The following DOCK8 variants were observed in gnomAD, a reference collection of about 807,000 sequenced individuals.
DOCK8 encodes the protein dedicator of cytokinesis 8.
DOCK8 carries 141 observed loss-of-function variants against 245.6 expected under a neutral mutation model. The observed-to-expected ratio is 0.57, with a 90% CI of 0.50 to 0.66. The LOEUF (loss-of-function observed/expected upper bound fraction) is 0.66. DOCK8 is among the 30% of genes least tolerant of loss of function. The pLI, the probability that DOCK8 is intolerant of heterozygous loss-of-function variation, is 0.00. For missense variants in DOCK8, 2,965 were observed against 2,603.4 expected, an observed-to-expected ratio of 1.14 and a Z score of -3.02; for synonymous variants, 1,168 against 970.2, an observed-to-expected ratio of 1.20 and a Z score of -3.79.
intron 28 of DOCK8, among the ~76,000 whole-genome samples, chr9:413,241 G>A (rs12235927): frequency 0.39 from 59,775 of 151,888 alleles, 11,997 homozygotes; most frequent in East Asian, 0.53. Context: ...ATATTACACT[G>A]TATACAAAAA....
At chr9:379,959 CTCT>C (rs2053676069) in intron 21 of DOCK8, 24 bp downstream of exon 21, 1 of 1,610,170 alleles carries the variant, frequency 6.2e-7, no homozygotes, top group African/African-American at 1.3e-5. Context: ...GAGTGTGGGA[CTCT>C]GGTGGGCGGG....
intron 5 of DOCK8, among the ~76,000 whole-genome samples, chr9:306,277 G>A (rs35381637): frequency 0.12 from 18,772 of 152,112 alleles, 1,457 homozygotes; most frequent in Non-Finnish European, 0.18. Context: ...CTTACTTGGA[G>A]CTTCACAGTA....
At chr9:212,392 C>A (rs952882138), upstream of DOCK8, among the ~76,000 whole-genome samples, 1 of 151,912 alleles carries the variant, frequency 6.6e-6, no homozygotes, top group Admixed American at 6.6e-5. Flanking sequence ...CACAAAGATA[C>A]GGAGAAAGAG....
intron 2 of DOCK8, among the ~76,000 whole-genome samples, chr9:277,749 G>C (rs1018686298): frequency 1.3e-5 from 2 of 152,086 alleles, no homozygotes; most frequent in Non-Finnish European, 2.9e-5. Context: ...TAACGGCTCT[G>C]ACTGAAGAAA....
intron 24 of DOCK8, among the ~76,000 whole-genome samples, chr9:396,274 G>C (rs1379293152): frequency 6.6e-6 from 1 of 152,134 alleles, no homozygotes; most frequent in Non-Finnish European, 1.5e-5. Context: ...AACTGTTTCT[G>C]GAAAAACTGT....
intron 26 of DOCK8, among the ~76,000 whole-genome samples, chr9:400,361 C>T (rs796739496): frequency 9.8e-6 from 1 of 102,472 alleles, no homozygotes; most frequent in Non-Finnish European, 2.0e-5. Context: ...ACCTCCTCCA[C>T]CATCACCACC....
At position 390,613 on chromosome 9, in the gene DOCK8, G is replaced by A. The variant is rs773733152; in HGVS notation, c.2970+47G>A. 3 of 1,562,002 alleles carry A rather than the reference G, an allele frequency of 1.9e-6. No individual in the cohort carries two copies. In the South Asian group the frequency reaches 3.3e-5, roughly 17 times the overall value. On this transcript the variant is annotated intron_variant, in intron 24 of 47. Transcript: ENST00000432829. ...ATCTGTGCTCAATAGGCCAAGAGAA[G>A]CACACAGCAGAAAGGAATTGACATT... is the stretch of plus-strand genomic sequence containing the variant.
intron 14 of DOCK8, among the ~76,000 whole-genome samples, chr9:358,041 T>G (rs1250112533): frequency 6.6e-6 from 1 of 152,216 alleles, no homozygotes; most frequent in Non-Finnish European, 1.5e-5. Context: ...ATGTTTTGGG[T>G]TTTTTTCACA....
chr9:316,823 T>A (rs745503377), intron 6 of DOCK8, among the ~76,000 whole-genome samples: 4 of 152,234 alleles, frequency 2.6e-5, no homozygotes, highest in Non-Finnish European at 4.4e-5. Flanking sequence ...TTGTCTTGAA[T>A]GCTTGGGTTT....
Position 336,449 on chromosome 9 carries a change from T to G in DOCK8, c.1286-133T>G, listed in dbSNP as rs2051315834. ...AGGTAGGGGCCAATGGAAGGACATT[T>G]TCATTCAAAACAAGGATGGCCATAT... On this transcript the variant is annotated intron_variant, in intron 11 of 47. Coordinates refer to ENST00000432829, the MANE Select transcript of DOCK8 (RefSeq NM_203447.4). The G allele has an allele frequency of 4.0e-6, 5 of 1,258,844 alleles. No individual in the cohort carries two copies. In the Admixed American group the frequency reaches 7.5e-5, roughly 19 times the overall value. 78.0% of individuals were successfully genotyped at this position (1,258,844 alleles called of 1,614,324 possible).
intron 1 of DOCK8, among the ~76,000 whole-genome samples, chr9:252,660 C>T (rs374910178): frequency 3.3e-5 from 5 of 151,710 alleles, no homozygotes; most frequent in Admixed American, 2.6e-4. Context: ...AAAAATTAGC[C>T]GGGCCTGGTG....
intron 2 of DOCK8, among the ~76,000 whole-genome samples, chr9:272,750 C>T (rs1371271098): frequency 1.3e-5 from 2 of 152,112 alleles, no homozygotes; most frequent in African/African-American, 4.8e-5. Context: ...TATATCAATG[C>T]CAATTGTTGA....
chr9:267,922 A>T (rs1202108257), intron 1 of DOCK8: 1 of 152,222 alleles, frequency 6.6e-6, no homozygotes, highest in Admixed American at 6.5e-5. Flanking sequence ...TATATTTCCC[A>T]AAGCGAGATA....
intron 14 of DOCK8, among the ~76,000 whole-genome samples, chr9:343,070 C>A (rs1444460293): frequency 6.6e-6 from 1 of 152,178 alleles, no homozygotes. Flanking sequence ...CCCATACTTT[C>A]CAGTATGACG....
intron 8 of DOCK8, 139 bp from the exon 9 acceptor site, chr9:327,883 C>G: frequency 3.8e-6 from 3 of 790,704 alleles, no homozygotes; most frequent in Non-Finnish European, 6.5e-6. Flanking sequence ...CCAGGAGCCA[C>G]TTTCCTAAAC....
At chr9:392,134 A>C (rs1248719314) in intron 24 of DOCK8, among the ~76,000 whole-genome samples, 2 of 149,684 alleles carry the variant, frequency 1.3e-5, no homozygotes, top group Non-Finnish European at 3.0e-5. Flanking sequence ...GCAAAACTCC[A>C]TCTAAAAAAA....
intron 4 of DOCK8, among the ~76,000 whole-genome samples, chr9:299,271 A>G (rs1443403119): frequency 6.6e-6 from 1 of 152,126 alleles, no homozygotes; most frequent in Non-Finnish European, 1.5e-5. Context: ...TGTTGCCTAC[A>G]TTTATATTTG....
At chr9:366,709 C>A (rs1034254496) in intron 14 of DOCK8, among the ~76,000 whole-genome samples, 14 of 151,956 alleles carry the variant, frequency 9.2e-5, no homozygotes, top group African/African-American at 3.2e-4. Flanking sequence ...TGCACAGTAA[C>A]CTGTTTATCT....
chr9:449,745 C>A (rs757622577), intron 44 of DOCK8, 39 bp from the exon 45 acceptor site: 1 of 1,611,940 alleles, frequency 6.2e-7, no homozygotes, highest in South Asian at 1.1e-5. Context: ...GCTTATGAGA[C>A]CAGACAGTGA....
Sources: allele counts gnomAD v4.1 joint callset (sites outside exome capture counted in the v4.1 genomes callset), GRCh38; gene constraint gnomAD v4.1.1; transcripts MANE v1.5; gene names NCBI Gene and HGNC (gene_info 2026-07-23, HGNC 2026-07-21).